The following CFAP299 variants were observed in gnomAD, a reference collection of about 807,000 sequenced individuals.
CFAP299 encodes cilia- and flagella-associated protein 299.
In CFAP299, 21 loss-of-function variants were observed where a neutral mutation model predicts 27.0. That is an observed-to-expected ratio of 0.78 (90% CI 0.55 to 1.12). The LOEUF (loss-of-function observed/expected upper bound fraction) is 1.12, where lower values mean the gene tolerates loss of function less well. Ranked by LOEUF, CFAP299 falls within the 50% of genes most tolerant of loss-of-function variation. CFAP299 has a pLI of 0.00. For missense variants in CFAP299, 310 were observed against 276.6 expected (o/e 1.12, Z -0.86); for synonymous variants, 104 against 98.1 (o/e 1.06, Z -0.36).
At chr4:80,700,852 G>A (rs1721429266) in intron 3 of CFAP299, among the ~76,000 whole-genome samples, 2 of 151,830 alleles carry the variant, frequency 1.3e-5, no homozygotes, top group Admixed American at 1.3e-4. Flanking sequence ...AAGAGGGGTA[G>A]GAGAGGCATA....
At chr4:80,592,130 T>C (rs1052298756) in intron 3 of CFAP299, among the ~76,000 whole-genome samples, 1 of 152,164 alleles carries the variant, frequency 6.6e-6, no homozygotes, top group Non-Finnish European at 1.5e-5. Context: ...TTTGGAGAAA[T>C]AGAATGCAAA....
intron 2 of CFAP299, among the ~76,000 whole-genome samples, chr4:80,396,859 G>A (rs536350772): frequency 1.3e-5 from 2 of 152,236 alleles, no homozygotes; most frequent in African/African-American, 4.8e-5. Context: ...TTGTGTCTCT[G>A]CCAGGCTTTG....
intron 1 of CFAP299, among the ~76,000 whole-genome samples, chr4:80,349,935 A>G (rs961011247): frequency 1.1e-4 from 17 of 152,232 alleles, no homozygotes; most frequent in Admixed American, 6.5e-5. Flanking sequence ...ATATAATTAC[A>G]TATAGGCAAT....
At chr4:80,451,522 G>A (rs1394232872) in intron 2 of CFAP299, among the ~76,000 whole-genome samples, 1 of 152,162 alleles carries the variant, frequency 6.6e-6, no homozygotes, top group African/African-American at 2.4e-5. Context: ...ATGTAGTAAA[G>A]ATTTTTATAT....
At chr4:80,886,826 A>C (rs576712670) in intron 4 of CFAP299, among the ~76,000 whole-genome samples, 45 of 152,294 alleles carry the variant, frequency 3.0e-4, no homozygotes, top group Middle Eastern at 3.4e-3. Context: ...AAGAAATTCA[A>C]GATAACCCAG....
At chr4:80,619,690 C>T (rs933928551) in intron 3 of CFAP299, among the ~76,000 whole-genome samples, 1 of 152,046 alleles carries the variant, frequency 6.6e-6, no homozygotes, top group African/African-American at 2.4e-5. Context: ...TAAGCAGTTA[C>T]AACTCTCTTG....
At chr4:80,716,671 G>T (rs900686485) in intron 3 of CFAP299, among the ~76,000 whole-genome samples, 9 of 152,096 alleles carry the variant, frequency 5.9e-5, no homozygotes, top group African/African-American at 2.2e-4. Flanking sequence ...CCCCATTAAA[G>T]TTTGTACCAC....
chr4:80,532,916 G>A (rs35565546), intron 2 of CFAP299, among the ~76,000 whole-genome samples: 13,879 of 152,208 alleles, frequency 0.091, 686 homozygotes, highest in Middle Eastern at 0.2. Flanking sequence ...AAAGCTAGTG[G>A]CTAAGAACTT....
chr4:80,473,370 A>G lies in CFAP299; in HGVS notation c.243-109723A>G, dbSNP rs933008584. 2.0e-5 allele frequency among the ~76,000 whole-genome samples: 3 copies of G among 152,046 alleles called. No homozygotes were observed. In the East Asian group the frequency reaches 5.8e-4, roughly 29 times the overall value. ...TAAAATAAGTTCAAGGGCCAGTATCATTATTCCTTCCCAAGTGGTCCTGAA... is the reference window on the plus strand; with the variant it reads ...TAAAATAAGTTCAAGGGCCAGTATCGTTATTCCTTCCCAAGTGGTCCTGAA... On this transcript the variant is annotated intron_variant, in intron 2 of 5. Transcript: ENST00000358105.
intron 3 of CFAP299, among the ~76,000 whole-genome samples, chr4:80,836,648 T>G (rs1226204226): frequency 6.6e-6 from 1 of 152,154 alleles, no homozygotes; most frequent in Non-Finnish European, 1.5e-5. Flanking sequence ...TCTCTCCATC[T>G]CAAGATCCTT....
intron 2 of CFAP299, among the ~76,000 whole-genome samples, chr4:80,520,041 T>A (rs12642318): frequency 0.12 from 17,658 of 152,166 alleles, 1,256 homozygotes; most frequent in Middle Eastern, 0.23. Flanking sequence ...GCCTCCCCTA[T>A]CTCCGTTCTA....
At chr4:80,847,101 A>C (rs187132862) in intron 3 of CFAP299, among the ~76,000 whole-genome samples, 4 of 152,342 alleles carry the variant, frequency 2.6e-5, no homozygotes, top group Non-Finnish European at 1.5e-5. Flanking sequence ...ATAGTATAGT[A>C]GTAAGATCAT....
intron 3 of CFAP299, among the ~76,000 whole-genome samples, chr4:80,591,122 T>A (rs980720127): frequency 2.8e-4 from 40 of 141,548 alleles, no homozygotes; most frequent in South Asian, 6.9e-4. Context: ...TTTTTTTTTT[T>A]TTTTTTTTTA....
chr4:80,658,268 G>A (rs947380036), intron 3 of CFAP299, among the ~76,000 whole-genome samples: 3 of 152,142 alleles, frequency 2.0e-5, no homozygotes, highest in Non-Finnish European at 4.4e-5. Flanking sequence ...CCAATACTAT[G>A]TTGAATAGGG....
intron 2 of CFAP299, among the ~76,000 whole-genome samples, chr4:80,469,698 G>T (rs1350222035): frequency 2.6e-5 from 4 of 151,778 alleles, no homozygotes; most frequent in East Asian, 1.9e-4. Flanking sequence ...TCAAGAAAAA[G>T]GTATCCTTGT....
At chr4:80,527,990 C>A (rs993558079) in intron 2 of CFAP299, among the ~76,000 whole-genome samples, 17 of 152,048 alleles carry the variant, frequency 1.1e-4, no homozygotes, top group African/African-American at 4.1e-4. Context: ...CCTGTTTGGT[C>A]CTGTTTCCTG....
chr4:80,782,612 T>G (rs10213508), intron 3 of CFAP299, among the ~76,000 whole-genome samples: 6,070 of 90,508 alleles, frequency 0.067, 841 homozygotes, highest in East Asian at 0.19. Flanking sequence ...ATACATATAT[T>G]AATATATAAT....
Position 80,447,382 on chromosome 4 carries a change from G to A in CFAP299, c.242+84498G>A, listed in dbSNP as rs560405611. On this transcript the variant is annotated intron_variant, in intron 2 of 5. Transcript: ENST00000358105. ...GATCTCCTGACCTCGTGATCCGCCC[G>A]CCTCGGCCTCCCAAAGTGCTGGGAT... 3.3e-5 allele frequency among the ~76,000 whole-genome samples: 5 copies of A among 151,154 alleles called. No homozygotes were observed. In the East Asian group the frequency reaches 5.9e-4, roughly 18 times the overall value.
chr4:80,846,014 TA>T lies in CFAP299; in HGVS notation c.334-23976del, dbSNP rs538642931. Among the ~76,000 whole-genome samples, 140 of 152,288 alleles carry T rather than the reference TA, an allele frequency of 9.2e-4. 1 individual carries two copies. The highest frequency in any genetic ancestry group is 3.2e-3 in the African/African-American group (133 of 41,566). On this transcript the variant is annotated intron_variant, in intron 3 of 5. Transcript: ENST00000358105. Reference sequence around the variant, plus strand: ...ATAGTTCACTTATGTATTTTGTCAATAAACATTATTGCATGTTTTGTCTATG... The same window carrying T: ...ATAGTTCACTTATGTATTTTGTCAATAACATTATTGCATGTTTTGTCTATG...
Sources: gnomAD v4.1 joint callset for allele counts (sites outside exome capture counted in the v4.1 genomes callset) on GRCh38, gnomAD v4.1.1 for gene constraint, MANE v1.5 for transcripts, NCBI Gene and HGNC (gene_info 2026-07-23, HGNC 2026-07-21) for gene names.